R3HDM2: variants seen among roughly 807,000 people sequenced by gnomAD.
R3HDM2 encodes the protein R3H domain-containing protein 2.
A neutral mutation model predicts 124.5 loss-of-function variants in R3HDM2; 38 were observed. The observed-to-expected ratio is 0.31, with a 90% CI of 0.24 to 0.40. The LOEUF (loss-of-function observed/expected upper bound fraction) is 0.40. Ranked by LOEUF, R3HDM2 falls within the 10% of genes least tolerant of loss-of-function variation. The pLI is 1.00. For synonymous variants in R3HDM2, 391 were observed against 448.0 expected (o/e 0.87, Z 1.61); for missense variants, 869 against 1,236.9 (o/e 0.70, Z 4.46).
chr12:57,308,897 A>G (rs2053324776), intron 3 of R3HDM2, among the ~76,000 whole-genome samples: 1 of 152,208 alleles, frequency 6.6e-6, no homozygotes. Flanking sequence ...AAAATTCATT[A>G]TTTGTATCAG....
chr12:57,256,191 G>A (rs766371492), intron 22 of R3HDM2, 117 bp from the exon 23 acceptor site: 4 of 1,084,536 alleles, frequency 3.7e-6, no homozygotes, highest in Non-Finnish European at 5.6e-6. Context: ...CACCCCACTA[G>A]GCAGTCAGGT....
intron 2 of R3HDM2, among the ~76,000 whole-genome samples, chr12:57,370,160 G>GT (rs1305111421): frequency 6.6e-6 from 1 of 152,134 alleles, no homozygotes; most frequent in Non-Finnish European, 1.5e-5. Flanking sequence ...CACGGGGGCG[G>GT]TTCCCCCCGC....
intron 2 of R3HDM2, among the ~76,000 whole-genome samples, chr12:57,383,479 G>A (rs2065209038): frequency 6.6e-6 from 1 of 151,874 alleles, no homozygotes; most frequent in South Asian, 2.1e-4. Flanking sequence ...GAGGTGGGTG[G>A]ATCACCTGAG....
intron 2 of R3HDM2, among the ~76,000 whole-genome samples, chr12:57,353,006 C>A (rs1254270669): frequency 6.6e-6 from 1 of 151,378 alleles, no homozygotes; most frequent in East Asian, 1.9e-4. Context: ...AGATTAAAGA[C>A]CTACACATGA....
At chr12:57,357,628 G>C (rs1212959630) in intron 2 of R3HDM2, among the ~76,000 whole-genome samples, 1 of 146,992 alleles carries the variant, frequency 6.8e-6, no homozygotes, top group Non-Finnish European at 1.5e-5. Context: ...TAAAGAACTA[G>C]CTTGTAGTTT....
At chr12:57,300,214 T>G in intron 4 of R3HDM2, 33 bp from the exon 5 acceptor site, 1 of 1,493,148 alleles carries the variant, frequency 6.7e-7, no homozygotes. Context: ...TTCAATTTTT[T>G]TAATGTATCT....
At chr12:57,392,830 A>T (rs1341297316) in intron 2 of R3HDM2, among the ~76,000 whole-genome samples, 1 of 134,924 alleles carries the variant, frequency 7.4e-6, no homozygotes. Flanking sequence ...TTTTTGCTAG[A>T]GTCTCGCTCT....
chr12:57,322,552 G>T (rs775837472), intron 2 of R3HDM2, among the ~76,000 whole-genome samples: 1 of 152,114 alleles, frequency 6.6e-6, no homozygotes, highest in African/African-American at 2.4e-5. Flanking sequence ...CCTGATCAAG[G>T]TTCCGTCACT....
At chr12:57,362,078 G>A (rs2062027308) in intron 2 of R3HDM2, among the ~76,000 whole-genome samples, 1 of 152,164 alleles carries the variant, frequency 6.6e-6, no homozygotes, top group Admixed American at 6.5e-5. Flanking sequence ...GTTGCAATGA[G>A]CCAAGATCGT....
intron 2 of R3HDM2, among the ~76,000 whole-genome samples, chr12:57,364,731 G>A (rs1262860865): frequency 6.6e-6 from 1 of 151,638 alleles, no homozygotes. Context: ...GAGGCGGGCG[G>A]ATCATGAGGT....
intron 1 of R3HDM2, among the ~76,000 whole-genome samples, chr12:57,408,543 C>A (rs762322891): frequency 6.6e-5 from 10 of 151,930 alleles, no homozygotes; most frequent in Non-Finnish European, 1.5e-4. Flanking sequence ...CCAGCCTGGG[C>A]AACATGGTTA....
chr12:57,392,346 C>T (rs115581597), intron 2 of R3HDM2, among the ~76,000 whole-genome samples: 16 of 152,296 alleles, frequency 1.1e-4, no homozygotes, highest in African/African-American at 3.6e-4. Flanking sequence ...AACTGTTCCA[C>T]CTCAGATCAT....
At chr12:57,347,801 C>T (rs996505998) in intron 2 of R3HDM2, among the ~76,000 whole-genome samples, 3 of 151,978 alleles carry the variant, frequency 2.0e-5, no homozygotes, top group African/African-American at 7.2e-5. Flanking sequence ...AAGAGGAGAA[C>T]AAAATACATT....
intron 3 of R3HDM2, chr12:57,304,621 G>A (rs748961051): frequency 3.4e-6 from 2 of 584,994 alleles, no homozygotes; most frequent in Non-Finnish European, 4.3e-6. Flanking sequence ...GGTAAGATCT[G>A]TTGCAGTAAG....
chr12:57,297,051 C>CA (rs1232243471), intron 8 of R3HDM2: 54 of 306,702 alleles, frequency 1.8e-4, no homozygotes, highest in Admixed American at 3.9e-4. Flanking sequence ...AAGACTGTCT[C>CA]AAAAAAAAGA....
At chr12:57,349,407 A>G (rs1048859559) in intron 2 of R3HDM2, among the ~76,000 whole-genome samples, 1 of 142,964 alleles carries the variant, frequency 7.0e-6, no homozygotes, top group Non-Finnish European at 1.5e-5. Flanking sequence ...AAAAAAAAAA[A>G]GAAAAGAAAA....
chr12:57,408,952 T>C (rs2068767509), intron 1 of R3HDM2, among the ~76,000 whole-genome samples: 1 of 152,148 alleles, frequency 6.6e-6, no homozygotes, highest in Non-Finnish European at 1.5e-5. Context: ...GATGCCTTTC[T>C]ATATTGACTT....
intron 2 of R3HDM2, among the ~76,000 whole-genome samples, chr12:57,314,573 G>T (rs1009756194): frequency 7.9e-5 from 12 of 152,164 alleles, no homozygotes; most frequent in Non-Finnish European, 1.8e-4. Flanking sequence ...CCCCAAAGAA[G>T]AACTCATTTT....
chr12:57,280,647 G>C (rs1248509091), intron 13 of R3HDM2, 117 bp from the exon 14 acceptor site: 1 of 902,866 alleles, frequency 1.1e-6, no homozygotes, highest in Admixed American at 3.2e-5. Context: ...ATTCCCTTTT[G>C]TCCCCTCCCC....
Sources: allele counts gnomAD v4.1 joint callset (sites outside exome capture counted in the v4.1 genomes callset), GRCh38; gene constraint gnomAD v4.1.1; transcripts MANE v1.5; gene names NCBI Gene and HGNC (gene_info 2026-07-23, HGNC 2026-07-21).